PRKAR2B: variants seen among roughly 807,000 people sequenced by gnomAD.
The protein encoded by PRKAR2B is cAMP-dependent protein kinase type II-beta regulatory subunit.
A neutral mutation model predicts 49.9 loss-of-function variants in PRKAR2B; 14 were observed. That is an observed-to-expected ratio of 0.28 (90% CI 0.19 to 0.44). The LOEUF is 0.44. Ranked by LOEUF, PRKAR2B falls within the 20% of genes least tolerant of loss-of-function variation. The pLI is 1.00. For synonymous variants in PRKAR2B, 196 were observed against 197.7 expected (o/e 0.99, Z 0.07); for missense variants, 393 against 537.9 (o/e 0.73, Z 2.67).
At chr7:107,097,933 G>C (rs945203277) in intron 2 of PRKAR2B, among the ~76,000 whole-genome samples, 45 of 152,254 alleles carry the variant, frequency 3.0e-4, no homozygotes, top group African/African-American at 1.1e-3. Context: ...CTCTCTGGCT[G>C]CCCTTAACAT....
At chr7:107,139,911 T>C (rs564658995) in intron 4 of PRKAR2B, among the ~76,000 whole-genome samples, 47 of 152,346 alleles carry the variant, frequency 3.1e-4, no homozygotes, top group Admixed American at 2.9e-3. Context: ...GTAATTGATT[T>C]TGGCATGGGC....
chr7:107,158,432 T>C (rs1477276959), intron 10 of PRKAR2B, among the ~76,000 whole-genome samples: 2 of 152,218 alleles, frequency 1.3e-5, no homozygotes, highest in African/African-American at 4.8e-5. Flanking sequence ...TTGTGTGGGC[T>C]TCCAGTTGTT....
At chr7:107,146,191 G>C in intron 5 of PRKAR2B, 117 bp from the exon 6 acceptor site, 1 of 1,014,786 alleles carries the variant, frequency 9.9e-7, no homozygotes, top group Non-Finnish European at 1.4e-6. Context: ...TATTGTCATC[G>C]GAGGGGATAA....
chr7:107,143,093 T>C (rs551781058), intron 5 of PRKAR2B, among the ~76,000 whole-genome samples: 62 of 152,302 alleles, frequency 4.1e-4, no homozygotes, highest in African/African-American at 1.3e-3. Context: ...GATTTTAGAC[T>C]GATGTGATTT....
intron 5 of PRKAR2B, among the ~76,000 whole-genome samples, chr7:107,145,081 A>G (rs1795866368): frequency 6.6e-6 from 1 of 152,192 alleles, no homozygotes; most frequent in African/African-American, 2.4e-5. Flanking sequence ...AAAACTATAA[A>G]AAGACCAGAG....
chr7:107,090,368 A>G (rs1794713969), intron 2 of PRKAR2B, among the ~76,000 whole-genome samples: 2 of 152,136 alleles, frequency 1.3e-5, no homozygotes, highest in Non-Finnish European at 2.9e-5. Flanking sequence ...CCTCTCATTC[A>G]AGGCTTCCCC....
Position 107,065,313 on chromosome 7 carries a change from GGTGTGTGTATGT to G in PRKAR2B, c.308-4959_308-4948del, listed in dbSNP as rs1186694458. Among the ~76,000 whole-genome samples, 56 of 130,396 alleles carry G rather than the reference GGTGTGTGTATGT, an allele frequency of 4.3e-4. 1 individual carries two copies. Among genetic ancestry groups the G allele is most frequent in the East Asian group, 2.3e-3 (10 of 4,324 alleles). The allele number at this position is 130,396 out of a possible 152,430, so 85.5% of individuals were successfully genotyped here. Reference sequence around the variant, plus strand: ...TTGTTTTTTATTTTTGTTTGCTCGGGGTGTGTGTATGTGTGTGTGTGTGTGTGTGTGTGTGTG... The same window carrying G: ...TTGTTTTTTATTTTTGTTTGCTCGGGGTGTGTGTGTGTGTGTGTGTGTGTG... On this transcript the variant is annotated intron_variant, in intron 1 of 10. Coordinates refer to ENST00000265717, the MANE Select transcript of PRKAR2B (RefSeq NM_002736.3).
chr7:107,123,404 A>G (rs1288085529), intron 3 of PRKAR2B, among the ~76,000 whole-genome samples: 1 of 152,194 alleles, frequency 6.6e-6, no homozygotes, highest in African/African-American at 2.4e-5. Flanking sequence ...ACCTCACCCT[A>G]TGGAGACAAA....
At chr7:107,138,375 T>G (rs1795735905) in intron 4 of PRKAR2B, among the ~76,000 whole-genome samples, 1 of 152,208 alleles carries the variant, frequency 6.6e-6, no homozygotes, top group African/African-American at 2.4e-5. Flanking sequence ...ACTTTCTGAT[T>G]AATGTTCCTA....
intron 2 of PRKAR2B, among the ~76,000 whole-genome samples, chr7:107,099,393 C>T (rs947054860): frequency 2.0e-5 from 3 of 152,218 alleles, no homozygotes; most frequent in South Asian, 2.1e-4. Flanking sequence ...GGGAGTGTCC[C>T]GATTTTCCAG....
intron 6 of PRKAR2B, among the ~76,000 whole-genome samples, chr7:107,148,618 GA>G (rs1201747119): frequency 6.6e-6 from 1 of 152,144 alleles, no homozygotes; most frequent in African/African-American, 2.4e-5. Context: ...TTTTAAGGGT[GA>G]CTTGACTAAT....
At chr7:107,153,286 T>C in intron 8 of PRKAR2B, 35 bp downstream of exon 8, 1 of 1,507,722 alleles carries the variant, frequency 6.6e-7, no homozygotes, top group Non-Finnish European at 9.0e-7. Flanking sequence ...AGTTTAGGGT[T>C]ATATTCCAAA....
intron 2 of PRKAR2B, among the ~76,000 whole-genome samples, chr7:107,104,148 C>G (rs1795028951): frequency 6.6e-6 from 1 of 152,204 alleles, no homozygotes; most frequent in South Asian, 2.1e-4. Context: ...TCTCCTGCCT[C>G]AGCCTCCCAA....
chr7:107,078,850 A>T (rs1030904748), intron 2 of PRKAR2B, among the ~76,000 whole-genome samples: 2 of 152,192 alleles, frequency 1.3e-5, no homozygotes, highest in African/African-American at 4.8e-5. Flanking sequence ...AGAGCCCCCC[A>T]GGGAAAGGAG....
intron 4 of PRKAR2B, among the ~76,000 whole-genome samples, chr7:107,132,064 G>A (rs1307761668): frequency 1.3e-5 from 2 of 152,186 alleles, no homozygotes; most frequent in East Asian, 3.8e-4. Flanking sequence ...ATATATTGCT[G>A]TAATATGGTC....
intron 4 of PRKAR2B, among the ~76,000 whole-genome samples, chr7:107,137,148 A>G (rs1483105414): frequency 6.6e-6 from 1 of 152,218 alleles, no homozygotes; most frequent in African/African-American, 2.4e-5. Flanking sequence ...TCTCATTCCT[A>G]GGCAGGTCTT....
intron 1 of PRKAR2B, among the ~76,000 whole-genome samples, chr7:107,069,093 C>A (rs758419204): frequency 6.6e-6 from 1 of 152,084 alleles, no homozygotes; most frequent in Non-Finnish European, 1.5e-5. Flanking sequence ...TGTCACCATG[C>A]CCGGCTAATT....
intron 6 of PRKAR2B, among the ~76,000 whole-genome samples, chr7:107,147,353 A>G (rs1795912841): frequency 6.6e-6 from 1 of 152,214 alleles, no homozygotes; most frequent in Non-Finnish European, 1.5e-5. Context: ...GGGCAAATTG[A>G]TCAGAATCTT....
intron 7 of PRKAR2B, among the ~76,000 whole-genome samples, chr7:107,151,772 G>A (rs984264398): frequency 6.6e-6 from 1 of 152,128 alleles, no homozygotes; most frequent in Non-Finnish European, 1.5e-5. Context: ...GTGGCTCTCT[G>A]CCTGGCGTTG....
Sources: allele counts gnomAD v4.1 joint callset (sites outside exome capture counted in the v4.1 genomes callset), GRCh38; gene constraint gnomAD v4.1.1; transcripts MANE v1.5; gene names NCBI Gene and HGNC (gene_info 2026-07-23, HGNC 2026-07-21).